JMJD4: variants seen among roughly 807,000 people sequenced by gnomAD.
JMJD4 encodes 2-oxoglutarate and iron-dependent oxygenase JMJD4.
Under a neutral mutation model 36.3 loss-of-function variants are expected in JMJD4, and 34 were observed. The observed-to-expected ratio is 0.94, with a 90% CI of 0.71 to 1.25. The LOEUF (loss-of-function observed/expected upper bound fraction) is 1.25. JMJD4 is among the 50% of genes most tolerant of loss of function. The pLI is 0.00. For synonymous variants in JMJD4, 269 were observed against 235.3 expected (o/e 1.14, Z -1.31); for missense variants, 584 against 559.1 (o/e 1.04, Z -0.45).
At chr1:227,733,211 A>G (rs1350041779) in intron 4 of JMJD4, 184 bp from the exon 5 acceptor site, 6 of 852,414 alleles carry the variant, frequency 7.0e-6, no homozygotes, top group Admixed American at 5.7e-5. Flanking sequence ...CTCAGGCCAC[A>G]GTGAACCCAG....
rs370662794 is a variant in JMJD4, at chr1:227,733,422, G to A, written c.814C>T (p.His272Tyr). Residue 272 changes from histidine to tyrosine, a missense_variant, in exon 4 of 6, where the codon CAC becomes TAC. His to Tyr is a moderately conservative substitution (Grantham distance 83). Transcript: ENST00000620518. ...FVPSGWHHQV[H>Y]NLDDTISINH... is the part of the protein sequence containing the mutation. ...GAGAAGCAGCACATTACCAGGTTGTGCACCTGGTGGTGCCAGCCACTGGGC... is the reference window on the plus strand; with the variant it reads ...GAGAAGCAGCACATTACCAGGTTGTACACCTGGTGGTGCCAGCCACTGGGC... The A allele has an allele frequency of 1.3e-5, 20 of 1,577,334 alleles. No homozygotes were observed. The highest frequency in any genetic ancestry group is 3.4e-4 in the Middle Eastern group (2 of 5,860).
chr1:227,732,029 G>T lies in JMJD4; in HGVS notation c.*363C>A, dbSNP rs980945029. 3 of 315,344 alleles carry T rather than the reference G, an allele frequency of 9.5e-6. No individual in the cohort carries two copies. Among genetic ancestry groups the T allele is most frequent in the Admixed American group, 4.3e-5 (1 of 23,256 alleles). The allele number at this position is 315,344 out of a possible 1,614,324, so 19.5% of individuals were successfully genotyped here. On this transcript the variant is annotated 3_prime_UTR_variant, in exon 6 of 6. Transcript: ENST00000620518. The stretch of plus-strand genomic sequence containing the variant: ...CAGGGGTGGTCCAATGGCCTGAGAC[G>T]AGGGGACAGGGCTGGCCTATTAAGA...
At position 227,734,685 on chromosome 1, in the gene JMJD4, C is replaced by A; in HGVS notation, c.394G>T (p.Gly132Cys). The change falls in exon 2 of 6, where the codon GGC (glycine) becomes TGC (cysteine). Residue 132 changes from glycine (G) to cysteine (C), a missense_variant. Transcript: ENST00000620518. ...YIQAGYSSPRGCLYLKDWHLC... is the reference protein window; with the variant it reads ...YIQAGYSSPRCCLYLKDWHLC... The stretch of plus-strand genomic sequence containing the variant: ...TGCCAGTCTTTGAGGTAGAGACAGC[C>A]CCTGGGAGAGGAGTAGCCCGCCTGT... 6.2e-7 allele frequency: 1 copy of A among 1,614,142 alleles called. No homozygotes were observed.
Position 227,732,469 on chromosome 1 carries a change from T to C in JMJD4, c.1177A>G (p.Thr393Ala). The C allele has an allele frequency of 3.1e-6, 5 of 1,613,306 alleles. No individual in the cohort carries two copies. The highest frequency in any genetic ancestry group is 1.6e-4 in the Middle Eastern group (1 of 6,062). The change falls in exon 6 of 6, where the codon ACC becomes GCC. Residue 393 changes from threonine to alanine, a missense_variant. Coordinates refer to ENST00000620518, the MANE Select transcript of JMJD4 (RefSeq NM_023007.3). ...TTGGGCTGTGGTGAGAACGCGCTGG[T>C]GTCCACTCTCTGGAAGTCGGGGTGC... Reference protein sequence around the residue: ...VAHPDFQRVDTSAFSPQPKEL... With the variant: ...VAHPDFQRVDASAFSPQPKEL...
At chr1:227,734,867 C>G in intron 1 of JMJD4, 51 bp from the exon 2 acceptor site, 1 of 1,606,870 alleles carries the variant, frequency 6.2e-7, no homozygotes, top group Non-Finnish European at 8.5e-7. Flanking sequence ...CGTCCTCACT[C>G]CAAACCGTCT....
chr1:227,733,046 A>G lies in JMJD4; in HGVS notation c.823-19T>C. On this transcript the variant is annotated intron_variant, in intron 4 of 5. Coordinates refer to ENST00000620518, the MANE Select transcript of JMJD4 (RefSeq NM_023007.3). The stretch of plus-strand genomic sequence containing the variant: ...TGTCATCCTGGAAGGGGCACAGTGC[A>G]GGCAGGCCTGAGCCCATGGCAGGTG... 2 of 1,612,934 alleles carry G rather than the reference A, an allele frequency of 1.2e-6. No homozygotes were observed. The highest frequency in any genetic ancestry group is 1.7e-4 in the Middle Eastern group (1 of 6,056).
intron 4 of JMJD4, 166 bp downstream of exon 4, chr1:227,733,248 G>A (rs1660793914): frequency 1.1e-6 from 1 of 885,410 alleles, no homozygotes; most frequent in Non-Finnish European, 1.7e-6. Flanking sequence ...GACCGGCAGT[G>A]GGTGAAACAG....
chr1:227,732,129 C>G lies in JMJD4; in HGVS notation c.*263G>C. On this transcript the variant is annotated 3_prime_UTR_variant, in exon 6 of 6. Coordinates refer to ENST00000620518, the MANE Select transcript of JMJD4 (RefSeq NM_023007.3). ...GTCCTGGCCTAAGGAGGCAGGGCCC[C>G]CAAAAGAGCCAGGTCCTGGCACCAT... The G allele has an allele frequency of 1.8e-6, 1 of 563,574 alleles. No individual in the cohort carries two copies. The highest frequency in any genetic ancestry group is 3.0e-5 in the East Asian group (1 of 33,402). The allele number at this position is 563,574 out of a possible 1,614,324, so 34.9% of individuals were successfully genotyped here.
chr1:227,733,256 CAG>C, intron 4 of JMJD4, 156 bp downstream of exon 4: 1 of 919,858 alleles, frequency 1.1e-6, no homozygotes, highest in South Asian at 1.8e-5. Context: ...GTGGGTGAAA[CAG>C]AGGCTAGGCC....
chr1:227,733,391 G>C, intron 4 of JMJD4, 23 bp downstream of exon 4: 1 of 1,566,184 alleles, frequency 6.4e-7, no homozygotes. Context: ...CCCTGATAGG[G>C]GGCAGGAGAA....
intron 4 of JMJD4, 114 bp from the exon 5 acceptor site, chr1:227,733,141 G>T: frequency 8.3e-7 from 1 of 1,207,548 alleles, no homozygotes; most frequent in Non-Finnish European, 1.2e-6. Context: ...AGCCAAGAGG[G>T]CCCTCCTGTC....
chr1:227,732,830 C>T (rs778171817), intron 5 of JMJD4, 51 bp downstream of exon 5: 63 of 1,606,126 alleles, frequency 3.9e-5, no homozygotes, highest in Non-Finnish European at 5.2e-5. Context: ...CTGAGCCATG[C>T]AGCCTAAAAG....
Position 227,735,101 on chromosome 1 carries a change from G to A in JMJD4, c.173C>T (p.Ser58Phe), listed in dbSNP as rs552801369. 1.9e-6 allele frequency: 3 copies of A among 1,574,798 alleles called. No homozygotes were observed. Among genetic ancestry groups the A allele is most frequent in the South Asian group, 2.3e-5 (2 of 86,770 alleles). Residue 58 changes from serine to phenylalanine, a missense_variant, in exon 1 of 6, where the codon TCC (serine) becomes TTC (phenylalanine). Transcript: ENST00000620518. ...FLLPNLPCVF[S>F]SAFTQGWGSR... is the part of the protein sequence containing the mutation. ...GCCCCAGCCCTGCGTGAAGGCGCTG[G>A]AAAACACGCAGGGCAGGTTGGGCAG...
Position 227,732,158 on chromosome 1 carries a change from C to T in JMJD4, c.*234G>A, listed in dbSNP as rs1474958551. 1.0e-5 allele frequency: 6 copies of T among 590,472 alleles called. No individual in the cohort carries two copies. The highest frequency in any genetic ancestry group is 8.5e-5 in the East Asian group (3 of 35,404). 36.6% of individuals were successfully genotyped at this position (590,472 alleles called of 1,614,324 possible). On this transcript the variant is annotated 3_prime_UTR_variant, in exon 6 of 6. Coordinates refer to ENST00000620518, the MANE Select transcript of JMJD4 (RefSeq NM_023007.3). ...AAGAGCCAGGTCCTGGCACCATCTC[C>T]GAGCTCCCAGCAGGCCTGCTGCAGG... is the stretch of plus-strand genomic sequence containing the variant.
rs2102872172 is a variant in JMJD4, at chr1:227,735,211, GGGGACATCGACCCCCA to G, written c.47_62del (p.Leu16ProfsTer10). The G allele has an allele frequency of 6.3e-7, 1 of 1,587,234 alleles. No homozygotes were observed. The highest frequency in any genetic ancestry group is 1.1e-5 in the South Asian group (1 of 87,644). On this transcript the variant is annotated frameshift_variant, in exon 1 of 6. Transcript: ENST00000620518. LOFTEE classifies it high-confidence loss of function. ...CCCGGCCCGGAGCCTGGCCGACGCC[GGGGACATCGACCCCCA>G]GGCCTCGGAAGTGGCTGTCGGCGAG...
At position 227,732,147 on chromosome 1, in the gene JMJD4, G is replaced by A. The variant is rs745662378; in HGVS notation, c.*245C>T. The A allele has an allele frequency of 2.6e-5, 15 of 582,100 alleles. No individual in the cohort carries two copies. The highest frequency in any genetic ancestry group is 4.6e-5 in the Non-Finnish European group (15 of 326,686). 36.1% of individuals were successfully genotyped at this position (582,100 alleles called of 1,614,324 possible). ...AGGGCCCCCAAAAGAGCCAGGTCCT[G>A]GCACCATCTCCGAGCTCCCAGCAGG... On this transcript the variant is annotated 3_prime_UTR_variant, in exon 6 of 6. Transcript: ENST00000620518.
chr1:227,733,889 C>T lies in JMJD4; in HGVS notation c.554+18G>A. The T allele has an allele frequency of 5.0e-6, 8 of 1,612,640 alleles. No individual in the cohort carries two copies. Among genetic ancestry groups the T allele is most frequent in the Non-Finnish European group, 5.9e-6 (7 of 1,179,706 alleles). On this transcript the variant is annotated intron_variant, in intron 3 of 5. Coordinates refer to ENST00000620518, the MANE Select transcript of JMJD4 (RefSeq NM_023007.3). Reference sequence around the variant, plus strand: ...CACCAGGCCCCTTCGGGTTCCACTCCCACATCCGTGGCCTCACCAGCTGCC... The same window carrying T: ...CACCAGGCCCCTTCGGGTTCCACTCTCACATCCGTGGCCTCACCAGCTGCC...
Position 227,731,469 on chromosome 1 carries a change from G to A in JMJD4, c.*923C>T, listed in dbSNP as rs987222699. 4 of 152,370 alleles carry A rather than the reference G, an allele frequency of 2.6e-5. No homozygotes were observed. The highest frequency in any genetic ancestry group is 4.4e-5 in the Non-Finnish European group (3 of 68,094). 9.4% of individuals were successfully genotyped at this position (152,370 alleles called of 1,614,324 possible). ...CCAACTGAAAAAATGCTGGACTCTC[G>A]GTCAAGGACAGGGCTGGGAGAGTGC... On this transcript the variant is annotated 3_prime_UTR_variant, in exon 6 of 6. Transcript: ENST00000620518.
At chr1:227,733,130 C>T in intron 4 of JMJD4, 103 bp from the exon 5 acceptor site, 1 of 1,298,390 alleles carries the variant, frequency 7.7e-7, no homozygotes, top group South Asian at 1.3e-5. Context: ...CAGCCCTCTG[C>T]AGCCAAGAGG....
Sources: gnomAD v4.1 joint callset for allele counts on GRCh38, gnomAD v4.1.1 for gene constraint, MANE v1.5 for transcripts, NCBI Gene and HGNC (gene_info 2026-07-23, HGNC 2026-07-21) for gene names.